PLXDC1: variants seen among roughly 807,000 people sequenced by gnomAD.
PLXDC1 encodes the protein plexin domain containing 1.
A neutral mutation model predicts 61.3 loss-of-function variants in PLXDC1; 39 were observed. The ratio of observed to expected loss-of-function variants is 0.64; its 90% CI spans 0.49 to 0.83. PLXDC1 has a LOEUF of 0.83. Among genes scored for constraint, PLXDC1 ranks in the 40% least tolerant of loss-of-function variants. The pLI is 0.00. For missense variants in PLXDC1, 596 were observed against 666.5 expected (o/e 0.89, Z 1.17); for synonymous variants, 212 against 254.5 (o/e 0.83, Z 1.59).
At chr17:39,104,979 C>G (rs1420883982) in intron 7 of PLXDC1, among the ~76,000 whole-genome samples, 4 of 152,158 alleles carry the variant, frequency 2.6e-5, no homozygotes. Context: ...ACGGCGGTAC[C>G]TTGCCCTTCT....
At chr17:39,125,882 C>A (rs1911296716) in intron 2 of PLXDC1, among the ~76,000 whole-genome samples, 1 of 152,116 alleles carries the variant, frequency 6.6e-6, no homozygotes, top group African/African-American at 2.4e-5. Context: ...CTGTGATGAA[C>A]TTGTTGATAC....
intron 2 of PLXDC1, among the ~76,000 whole-genome samples, chr17:39,117,318 C>T (rs1228259694): frequency 6.6e-6 from 1 of 152,172 alleles, no homozygotes; most frequent in East Asian, 1.9e-4. Flanking sequence ...TAAACAGCTT[C>T]CACCTAAACC....
chr17:39,105,963 G>A lies in PLXDC1; in HGVS notation c.712-10C>T, dbSNP rs1910577888. 1.2e-6 allele frequency: 2 copies of A among 1,601,904 alleles called. No individual in the cohort carries two copies. Among genetic ancestry groups the A allele is most frequent in the African/African-American group, 2.7e-5 (2 of 74,696 alleles). On this transcript the variant is annotated splice_polypyrimidine_tract_variant and intron_variant, in intron 6 of 13. Transcript: ENST00000315392. ...GGACAGACATAGGGATCTGCGGCAG[G>A]GAGAAGAGACTCCGTCCACCTCCCA...
rs371054176 is a variant in PLXDC1, at chr17:39,083,458, C to A, written c.989+1G>T. On this transcript the variant is annotated splice_donor_variant, in intron 9 of 13. Coordinates refer to ENST00000315392, the MANE Select transcript of PLXDC1 (RefSeq NM_020405.5). LOFTEE classifies it high-confidence loss of function. ...GTCAGCAGGTAACCCTGGGCACAAA[C>A]CTCTGGAGGACATGGCACCAGCTGC... The A allele has an allele frequency of 1.9e-6, 3 of 1,613,396 alleles. No homozygotes were observed. Among genetic ancestry groups the A allele is most frequent in the Non-Finnish European group, 8.5e-7 (1 of 1,179,526 alleles).
In PLXDC1 at chr17:39,066,164, C is replaced by A. The variant is rs1034779264; in HGVS notation, c.*1676G>T. On this transcript the variant is annotated 3_prime_UTR_variant, in exon 14 of 14. Coordinates refer to ENST00000315392, the MANE Select transcript of PLXDC1 (RefSeq NM_020405.5). ...GAGGAAAAATATTTATCAGGCAAGT[C>A]CTGCCTTTGGAGGTATGTACAGGCA... 7.9e-5 allele frequency: 12 copies of A among 152,262 alleles called. No individual in the cohort carries two copies. The highest frequency in any genetic ancestry group is 2.9e-4 in the African/African-American group (12 of 41,454). The allele number at this position is 152,262 out of a possible 1,614,324, so 9.4% of individuals were successfully genotyped here. A position where few individuals can be genotyped will look rare whatever the true frequency, so the allele number is the denominator to read the frequency against.
intron 1 of PLXDC1, among the ~76,000 whole-genome samples, chr17:39,147,841 G>A (rs1200724242): frequency 6.6e-6 from 1 of 152,146 alleles, no homozygotes; most frequent in African/African-American, 2.4e-5. Context: ...GCTGGGTGCT[G>A]GGGGGACACA....
chr17:39,108,334 G>A (rs1306175943), intron 4 of PLXDC1, 89 bp from the exon 5 acceptor site: 44 of 1,390,182 alleles, frequency 3.2e-5, no homozygotes, highest in Non-Finnish European at 3.3e-5. Flanking sequence ...GAAGGGCAGC[G>A]CAGGCAGAGC....
chr17:39,074,263 A>G (rs1204633003), intron 11 of PLXDC1, among the ~76,000 whole-genome samples: 1 of 152,136 alleles, frequency 6.6e-6, no homozygotes, highest in African/African-American at 2.4e-5. Context: ...TGCAGCACTT[A>G]GTAGGTTGAG....
chr17:39,086,097 A>G (rs770129275), intron 8 of PLXDC1, among the ~76,000 whole-genome samples: 7 of 151,354 alleles, frequency 4.6e-5, no homozygotes, highest in Non-Finnish European at 8.8e-5. Flanking sequence ...CATTCCCAAA[A>G]CATTTCACTG....
At chr17:39,142,769 A>C (rs1232075268) in intron 1 of PLXDC1, among the ~76,000 whole-genome samples, 1 of 152,182 alleles carries the variant, frequency 6.6e-6, no homozygotes, top group Non-Finnish European at 1.5e-5. Context: ...CCTGGGCTCT[A>C]GCGGTCCTTC....
chr17:39,069,772 G>C, intron 13 of PLXDC1, 84 bp downstream of exon 13: 1 of 1,036,986 alleles, frequency 9.6e-7, no homozygotes, highest in Non-Finnish European at 1.5e-6. Context: ...GGGAGAGGGA[G>C]AAGGGGAGAG....
At chr17:39,111,236 G>A (rs72823308) in intron 2 of PLXDC1, among the ~76,000 whole-genome samples, 12,873 of 152,042 alleles carry the variant, frequency 0.085, 690 homozygotes, top group Middle Eastern at 0.2. Context: ...GGCCACCCTC[G>A]CCTTCTCCCC....
rs765774886 is a variant in PLXDC1, at chr17:39,086,859, C to CAAAA, written c.907+744_907+747dup. Among the ~76,000 whole-genome samples the CAAAA allele has an allele frequency of 3.3e-3, 229 of 70,018 alleles. 5 individuals carry two copies. Among genetic ancestry groups the CAAAA allele is most frequent in the African/African-American group, 9.7e-3 (169 of 17,458 alleles). 45.9% of individuals were successfully genotyped at this position (70,018 alleles called of 152,430 possible). On this transcript the variant is annotated intron_variant, in intron 8 of 13. Transcript: ENST00000315392. ...CCTGGGCAACAGAGTGAGACTGTCT[C>CAAAA]AAAAAAAAAAAAAAAAAAAAAGAAG...
chr17:39,145,934 C>T (rs957648629), intron 1 of PLXDC1, among the ~76,000 whole-genome samples: 9 of 152,172 alleles, frequency 5.9e-5, no homozygotes, highest in Admixed American at 3.9e-4. Context: ...GAGCACCCAG[C>T]AAGTCGCCCT....
chr17:39,146,631 G>C (rs2045344175), intron 1 of PLXDC1, among the ~76,000 whole-genome samples: 1 of 151,486 alleles, frequency 6.6e-6, no homozygotes. Context: ...GGGCAACATG[G>C]CAAGACCTTG....
chr17:39,066,338 A>G lies in PLXDC1; in HGVS notation c.*1502T>C, dbSNP rs1908897080. The G allele has an allele frequency of 6.6e-6, 1 of 152,240 alleles. No individual in the cohort carries two copies. The highest frequency in any genetic ancestry group is 1.5e-5 in the Non-Finnish European group (1 of 68,056). 9.4% of individuals were successfully genotyped at this position (152,240 alleles called of 1,614,324 possible). On this transcript the variant is annotated 3_prime_UTR_variant, in exon 14 of 14. Coordinates refer to ENST00000315392, the MANE Select transcript of PLXDC1 (RefSeq NM_020405.5). ...GGGTAAAGCCCTTGATGCAGGCTGT[A>G]ACATGTTTTGATGCAGAAGTTATTG...
rs1189458313 is a variant in PLXDC1, at chr17:39,106,649, TTTC to T, written c.712-699_712-697del. On this transcript the variant is annotated intron_variant, in intron 6 of 13. Transcript: ENST00000315392. ...CCTTCTTTTTTCTTTTTTCTTTTTC[TTTC>T]TTTTTTTTTTTTTTTGAGACAGATT... 9.2e-5 allele frequency among the ~76,000 whole-genome samples: 9 copies of T among 98,168 alleles called. No homozygotes were observed. The East Asian group carries it at 1.4e-3, about 16-fold the overall frequency. The allele number at this position is 98,168 out of a possible 152,430, so 64.4% of individuals were successfully genotyped here. A position where few individuals can be genotyped will look rare whatever the true frequency, so the allele number is the denominator to read the frequency against.
intron 12 of PLXDC1, 83 bp downstream of exon 12, chr17:39,072,367 C>A: frequency 1.1e-6 from 1 of 939,694 alleles, no homozygotes; most frequent in Non-Finnish European, 1.7e-6. Flanking sequence ...ATAAAAATAG[C>A]CCAGGCGACT....
rs2045373334 is a variant in PLXDC1 at position 39,151,605 on chromosome 17, C to G, written c.-168G>C. On this transcript the variant is annotated 5_prime_UTR_variant, in exon 1 of 14. Transcript: ENST00000315392. This position sits in a 1 kb window ranked among gnomAD's most constrained non-coding sequence, Gnocchi z 5.2. ...CGAGCCGGCAGGAGCGGCGAGAGCG[C>G]GAGCGGAGCTGGAGGCTGCGGCCTC... The G allele has an allele frequency of 8.9e-7, 1 of 1,119,056 alleles. No homozygotes were observed. The highest frequency in any genetic ancestry group is 1.1e-6 in the Non-Finnish European group (1 of 915,504). 69.3% of individuals were successfully genotyped at this position (1,119,056 alleles called of 1,614,324 possible).
Sources: gnomAD v4.1 joint callset for allele counts (sites outside exome capture counted in the v4.1 genomes callset) on GRCh38, gnomAD v4.1.1 for gene constraint, Gnocchi (gnomAD v3.1) non-coding constraint, MANE v1.5 for transcripts, NCBI Gene and HGNC (gene_info 2026-07-23, HGNC 2026-07-21) for gene names.